Variants in PLEKHA7 observed in about 807,000 individuals in gnomAD.
PLEKHA7 encodes the protein pleckstrin homology domain containing A7.
In PLEKHA7, 104 loss-of-function variants were observed where a neutral mutation model predicts 170.0. The observed-to-expected ratio is 0.61, with a 90% CI of 0.52 to 0.72. The LOEUF (loss-of-function observed/expected upper bound fraction) is 0.72. PLEKHA7 is among the 30% of genes least tolerant of loss of function. The pLI, the probability that PLEKHA7 is intolerant of heterozygous loss-of-function variation, is 0.00. For synonymous variants in PLEKHA7, 648 were observed against 660.8 expected (o/e 0.98, Z 0.30); for missense variants, 1,615 against 1,671.7 (o/e 0.97, Z 0.59).
In PLEKHA7 at chr11:16,871,304, G is replaced by A. The variant is rs1383993383; in HGVS notation, c.222-122C>T. The stretch of plus-strand genomic sequence containing the variant: ...AAAGATTTCACAGGGGGAGAAATGT[G>A]GGCCTTTCCTCTGAGACACACTTAG... On this transcript the variant is annotated intron_variant, in intron 3 of 26. Coordinates refer to ENST00000531066, the MANE Select transcript of PLEKHA7 (RefSeq NM_001329630.2). 4 of 712,174 alleles carry A rather than the reference G, an allele frequency of 5.6e-6. No homozygotes were observed. In the Admixed American group the frequency reaches 6.4e-5, roughly 11 times the overall value. 44.1% of individuals were successfully genotyped at this position (712,174 alleles called of 1,614,324 possible).
At chr11:16,810,269 C>T in intron 13 of PLEKHA7, among the ~76,000 whole-genome samples, 1 of 152,240 alleles carries the variant, frequency 6.6e-6, no homozygotes, top group East Asian at 1.9e-4. Flanking sequence ...CCCCTGATTC[C>T]AGCCCTTCCT....
chr11:16,782,729 C>G, intron 26 of PLEKHA7, 25 bp downstream of exon 26: 1 of 1,535,258 alleles, frequency 6.5e-7, no homozygotes, highest in Non-Finnish European at 8.7e-7. Flanking sequence ...GGATCCAGGC[C>G]TTGGGGGCTG....
At chr11:16,935,217 C>T (rs996239739) in intron 3 of PLEKHA7, among the ~76,000 whole-genome samples, 9 of 152,252 alleles carry the variant, frequency 5.9e-5, no homozygotes, top group African/African-American at 2.2e-4. Flanking sequence ...GGCAGATCAA[C>T]TGAGGTCAGA....
intron 3 of PLEKHA7, among the ~76,000 whole-genome samples, chr11:16,973,084 T>C (rs1862827188): frequency 6.6e-6 from 1 of 152,244 alleles, no homozygotes; most frequent in Admixed American, 6.5e-5. Context: ...TACAGGCTTA[T>C]TGTGAAGACT....
intron 4 of PLEKHA7, among the ~76,000 whole-genome samples, chr11:16,862,670 G>A (rs994888326): frequency 1.3e-5 from 2 of 152,144 alleles, no homozygotes; most frequent in Non-Finnish European, 2.9e-5. Flanking sequence ...GGCAATGACT[G>A]CATCCCCAGT....
chr11:16,822,502 GA>G (rs775136335), intron 10 of PLEKHA7, among the ~76,000 whole-genome samples: 15,437 of 79,022 alleles, frequency 0.2, 1,241 homozygotes, highest in Non-Finnish European at 0.26. Context: ...TTTGGTAGGG[GA>G]AAAAAAAAAA....
chr11:16,966,635 C>A (rs1018679433), intron 3 of PLEKHA7, among the ~76,000 whole-genome samples: 1 of 152,006 alleles, frequency 6.6e-6, no homozygotes, highest in African/African-American at 2.4e-5. Flanking sequence ...TAACACACAC[C>A]ACTCAGAATC....
chr11:16,936,868 A>G (rs1211762979), intron 3 of PLEKHA7, among the ~76,000 whole-genome samples: 1 of 152,252 alleles, frequency 6.6e-6, no homozygotes, highest in African/African-American at 2.4e-5. Flanking sequence ...TCTAATTGCC[A>G]AGAGATAAGA....
intron 3 of PLEKHA7, among the ~76,000 whole-genome samples, chr11:16,901,082 G>A (rs1857303179): frequency 6.6e-6 from 1 of 152,082 alleles, no homozygotes; most frequent in African/African-American, 2.4e-5. Flanking sequence ...CCTGACCTCA[G>A]GTGATCCGCC....
intron 3 of PLEKHA7, among the ~76,000 whole-genome samples, chr11:16,945,405 G>A (rs1264970556): frequency 6.6e-6 from 1 of 152,116 alleles, no homozygotes; most frequent in East Asian, 1.9e-4. Flanking sequence ...CTTCACACAG[G>A]TGTCTCTCCT....
At position 16,778,668 on chromosome 11, in the gene PLEKHA7, A is replaced by G. The variant is rs533319067; in HGVS notation, c.*330T>C. ...CAGAAGTACCTGAATCTGTACGTGC[A>G]GCTGCAAAGTCCTGCATCCTCAACC... On this transcript the variant is annotated 3_prime_UTR_variant, in exon 27 of 27. Coordinates refer to ENST00000531066, the MANE Select transcript of PLEKHA7 (RefSeq NM_001329630.2). 10 of 386,798 alleles carry G rather than the reference A, an allele frequency of 2.6e-5. No homozygotes were observed. The highest frequency in any genetic ancestry group is 7.7e-5 in the Admixed American group (2 of 26,008). 24.0% of individuals were successfully genotyped at this position (386,798 alleles called of 1,614,324 possible). A position where few individuals can be genotyped will look rare whatever the true frequency, so the allele number is the denominator to read the frequency against.
At chr11:16,927,315 T>A (rs982061914) in intron 3 of PLEKHA7, among the ~76,000 whole-genome samples, 4 of 152,230 alleles carry the variant, frequency 2.6e-5, no homozygotes, top group African/African-American at 9.6e-5. Context: ...ATTTTCCAAA[T>A]CAAAAATTAT....
At chr11:16,914,547 G>T (rs1344780730) in intron 3 of PLEKHA7, among the ~76,000 whole-genome samples, 3 of 152,186 alleles carry the variant, frequency 2.0e-5, no homozygotes, top group Non-Finnish European at 4.4e-5. Flanking sequence ...ATTCATGGGG[G>T]TCTCATTCTA....
At chr11:16,810,738 C>A (rs536372128) in intron 13 of PLEKHA7, among the ~76,000 whole-genome samples, 1 of 152,178 alleles carries the variant, frequency 6.6e-6, no homozygotes, top group Non-Finnish European at 1.5e-5. Context: ...CTTGGCATAA[C>A]AATCCAAGCT....
chr11:16,844,750 G>A (rs990173977), intron 8 of PLEKHA7, among the ~76,000 whole-genome samples: 39 of 152,198 alleles, frequency 2.6e-4, no homozygotes, highest in African/African-American at 8.4e-4. Flanking sequence ...CACTGGTGAA[G>A]GAGCCAGAAG....
chr11:16,847,842 CAA>C (rs35191685), intron 8 of PLEKHA7, among the ~76,000 whole-genome samples: 32,589 of 100,690 alleles, frequency 0.32, 3,832 homozygotes, highest in East Asian at 0.51. Flanking sequence ...AATTCTGTCT[CAA>C]AAAAAAAAAA....
At chr11:16,803,520 C>A in intron 13 of PLEKHA7, 3 of 526,222 alleles carry the variant, frequency 5.7e-6, no homozygotes, top group South Asian at 2.6e-5. Flanking sequence ...GCTGGTAAGT[C>A]CTTTGAGTTA....
intron 24 of PLEKHA7, 143 bp from the exon 25 acceptor site, chr11:16,783,976 G>GCGCTGAGCCCC: frequency 1.1e-6 from 1 of 929,084 alleles, no homozygotes. Flanking sequence ...CACAAAATTA[G>GCGCTGAGCCCC]TCAGTTGTGG....
chr11:16,934,084 C>T (rs1484656707), intron 3 of PLEKHA7, among the ~76,000 whole-genome samples: 1 of 152,144 alleles, frequency 6.6e-6, no homozygotes, highest in East Asian at 1.9e-4. Flanking sequence ...AGACAGGAGA[C>T]GTGGAAGAAA....
Sources: allele counts gnomAD v4.1 joint callset (sites outside exome capture counted in the v4.1 genomes callset), GRCh38; gene constraint gnomAD v4.1.1; transcripts MANE v1.5; gene names NCBI Gene and HGNC (gene_info 2026-07-23, HGNC 2026-07-21).